GRM7: variants seen among roughly 807,000 people sequenced by gnomAD.
The protein encoded by GRM7 is glutamate metabotropic receptor 7, also known as metabotropic glutamate receptor 7.
In GRM7, 35 loss-of-function variants were observed where a neutral mutation model predicts 84.5. The ratio of observed to expected loss-of-function variants is 0.41; its 90% CI spans 0.32 to 0.55. The LOEUF (loss-of-function observed/expected upper bound fraction) is 0.55, where lower values mean the gene tolerates loss of function less well. Among genes scored for constraint, GRM7 ranks in the 20% least tolerant of loss-of-function variants. The probability of loss-of-function intolerance (pLI) is 0.19; values close to 1 mark genes in which losing one functional copy is unlikely to be tolerated. For synonymous variants in GRM7, 487 were observed against 455.1 expected (o/e 1.07, Z -0.89); for missense variants, 1,003 against 1,194.6 (o/e 0.84, Z 2.36).
intron 8 of GRM7, among the ~76,000 whole-genome samples, chr3:7,644,182 A>G (rs1226966441): frequency 1.7e-5 from 2 of 116,320 alleles, no homozygotes; most frequent in Admixed American, 2.0e-4. Context: ...GTACATATAT[A>G]TATGTCTGTA....
chr3:6,982,454 T>C (rs1266166880), intron 1 of GRM7, among the ~76,000 whole-genome samples: 2 of 152,148 alleles, frequency 1.3e-5, no homozygotes, highest in Non-Finnish European at 2.9e-5. Context: ...AAATAGAAGA[T>C]AGAATATAAA....
At chr3:7,449,034 A>G (rs916204307) in intron 5 of GRM7, among the ~76,000 whole-genome samples, 26 of 152,088 alleles carry the variant, frequency 1.7e-4, no homozygotes, top group Admixed American at 1.6e-3. Context: ...ATAGCCTTAA[A>G]AAATAAATAT....
intron 1 of GRM7, among the ~76,000 whole-genome samples, chr3:7,066,020 G>C (rs1189831831): frequency 2.0e-5 from 3 of 151,828 alleles, no homozygotes; most frequent in African/African-American, 4.8e-5. Context: ...CTGGGATACA[G>C]CAAAGGCGGT....
intron 1 of GRM7, among the ~76,000 whole-genome samples, chr3:7,032,607 G>GT (rs1696231500): frequency 6.6e-6 from 1 of 151,940 alleles, no homozygotes; most frequent in Non-Finnish European, 1.5e-5. Flanking sequence ...TTCAGATAGG[G>GT]GCTAATAGAT....
chr3:6,927,029 G>C (rs902880033), intron 1 of GRM7, among the ~76,000 whole-genome samples: 3 of 152,152 alleles, frequency 2.0e-5, no homozygotes, highest in African/African-American at 7.2e-5. Flanking sequence ...ACTGTGTTAA[G>C]CAAAATTTGA....
At chr3:7,334,923 C>T (rs1323296645) in intron 4 of GRM7, among the ~76,000 whole-genome samples, 1 of 152,026 alleles carries the variant, frequency 6.6e-6, no homozygotes, top group East Asian at 1.9e-4. Flanking sequence ...ACGATTACTA[C>T]TAGACCTAAG....
In GRM7 at chr3:7,246,088, C is replaced by G. The variant is rs1290240651; in HGVS notation, c.737-52596C>G. On this transcript the variant is annotated intron_variant, in intron 2 of 9. Transcript: ENST00000357716. ...TTTTCCTTTGACTGCATCTTTAACA[C>G]AATTTTTTTTCTTTGACATGAGAAG... Among the ~76,000 whole-genome samples, 19 of 152,034 alleles carry G rather than the reference C, an allele frequency of 1.2e-4. 1 individual carries two copies. Among genetic ancestry groups the G allele is most frequent in the Non-Finnish European group, 2.6e-4 (18 of 67,998 alleles).
rs34481316 is a variant in GRM7 at position 7,356,920 on chromosome 3, TCACACACACACACA to T, written c.1033+50299_1033+50312del. Reference sequence around the variant, plus strand: ...CTATCATGGAACTTTGCCTTTTTGATCACACACACACACACACACACACACACACACACACACAC... The same window carrying T: ...CTATCATGGAACTTTGCCTTTTTGATCACACACACACACACACACACACAC... On this transcript the variant is annotated intron_variant, in intron 4 of 9. Transcript: ENST00000357716. 2.7e-3 allele frequency among the ~76,000 whole-genome samples: 348 copies of T among 131,282 alleles called. 1 individual carries two copies. Among genetic ancestry groups the T allele is most frequent in the Non-Finnish European group, 4.4e-3 (278 of 62,754 alleles). 86.1% of individuals were successfully genotyped at this position (131,282 alleles called of 152,430 possible). A position where few individuals can be genotyped will look rare whatever the true frequency, so the allele number is the denominator to read the frequency against.
chr3:6,961,274 C>T lies in GRM7; in HGVS notation c.519+99367C>T, dbSNP rs1406735751. On this transcript the variant is annotated intron_variant, in intron 1 of 9. Coordinates refer to ENST00000357716, the MANE Select transcript of GRM7 (RefSeq NM_000844.4). ...CTAAAGATACCAGTCTGACAATTTG[C>T]AGGCCCCTTTCAGATCTCTGAAAAC... Among the ~76,000 whole-genome samples, 2 of 152,198 alleles carry T rather than the reference C, an allele frequency of 1.3e-5. 1 individual carries two copies. Among genetic ancestry groups the T allele is most frequent in the African/African-American group, 4.8e-5 (2 of 41,446 alleles).
intron 2 of GRM7, among the ~76,000 whole-genome samples, chr3:7,249,064 T>C (rs929376329): frequency 2.0e-5 from 3 of 152,180 alleles, no homozygotes; most frequent in African/African-American, 4.8e-5. Context: ...AATTCACATA[T>C]AATCTTCTAG....
rs148569061 is a variant in GRM7 at position 7,396,383 on chromosome 3, A to G, written c.1034-18640A>G. On this transcript the variant is annotated intron_variant, in intron 4 of 9. Transcript: ENST00000357716. Reference sequence around the variant, plus strand: ...TTAACTCCCTTCCTATTTTATTTTTACTTCCTTTTTAAGAAATACTTTACA... The same window carrying G: ...TTAACTCCCTTCCTATTTTATTTTTGCTTCCTTTTTAAGAAATACTTTACA... Among the ~76,000 whole-genome samples the G allele has an allele frequency of 3.7e-3, 563 of 152,264 alleles. 2 individuals are homozygous for G. The highest frequency in any genetic ancestry group is 0.013 in the African/African-American group (523 of 41,578).
chr3:7,657,679 C>A (rs544204252), intron 8 of GRM7, among the ~76,000 whole-genome samples: 4 of 152,018 alleles, frequency 2.6e-5, no homozygotes, highest in Non-Finnish European at 4.4e-5. Flanking sequence ...ACGAATCACA[C>A]GTTTTTGGAG....
chr3:7,531,168 C>T (rs554950052), intron 7 of GRM7, among the ~76,000 whole-genome samples: 139 of 152,160 alleles, frequency 9.1e-4, no homozygotes, highest in Non-Finnish European at 1.4e-3. Context: ...CAACTGGCTA[C>T]CCAGTTTTCC....
chr3:7,374,543 A>G (rs6768584), intron 4 of GRM7, among the ~76,000 whole-genome samples: 34,724 of 151,370 alleles, frequency 0.23, 5,237 homozygotes, highest in African/African-American at 0.44. Context: ...CAATGGTGCG[A>G]TCTCGGCTCA....
At chr3:7,325,271 T>A (rs1302260776) in intron 4 of GRM7, among the ~76,000 whole-genome samples, 1 of 152,224 alleles carries the variant, frequency 6.6e-6, no homozygotes, top group Non-Finnish European at 1.5e-5. Context: ...AGGTCTTGTT[T>A]TACCTAAAGG....
chr3:7,516,260 A>G (rs1185170686), intron 7 of GRM7, among the ~76,000 whole-genome samples: 1 of 151,208 alleles, frequency 6.6e-6, no homozygotes, highest in Non-Finnish European at 1.5e-5. Flanking sequence ...GGCAGATCAT[A>G]AGGTCAGTAC....
chr3:7,635,252 A>AACT (rs1480358105), intron 8 of GRM7, among the ~76,000 whole-genome samples: 1 of 152,264 alleles, frequency 6.6e-6, no homozygotes, highest in Non-Finnish European at 1.5e-5. Flanking sequence ...TTAAGGCAAT[A>AACT]ACTACCAGAG....
intron 7 of GRM7, among the ~76,000 whole-genome samples, chr3:7,489,039 G>A (rs188621846): frequency 6.6e-6 from 1 of 152,170 alleles, no homozygotes; most frequent in African/African-American, 2.4e-5. Context: ...CTGTGCAGGT[G>A]TTGCTTTGAA....
chr3:7,677,105 CA>C (rs1005508999), intron 8 of GRM7, among the ~76,000 whole-genome samples: 2 of 151,248 alleles, frequency 1.3e-5, no homozygotes, highest in Non-Finnish European at 3.0e-5. Context: ...ACTAAAAATA[CA>C]AAAAAATTAG....
Sources: allele counts gnomAD v4.1 joint callset (sites outside exome capture counted in the v4.1 genomes callset), GRCh38; gene constraint gnomAD v4.1.1; transcripts MANE v1.5; gene names NCBI Gene and HGNC (gene_info 2026-07-23, HGNC 2026-07-21).